Variants in CCDC7 observed in about 807,000 individuals in gnomAD.
CCDC7 encodes coiled-coil domain containing 7.
Under a neutral mutation model 196.9 loss-of-function variants are expected in CCDC7, and 183 were observed. That is an observed-to-expected ratio of 0.93 (90% CI 0.82 to 1.05). The LOEUF (loss-of-function observed/expected upper bound fraction) is 1.05. CCDC7 is among the 50% of genes least tolerant of loss of function. The pLI is 0.00. For missense variants in CCDC7, 1,540 were observed against 1,482.2 expected (o/e 1.04, Z -0.64); for synonymous variants, 525 against 484.6 (o/e 1.08, Z -1.10).
intron 18 of CCDC7, among the ~76,000 whole-genome samples, chr10:32,613,339 T>A (rs1293132545): frequency 6.6e-6 from 1 of 152,084 alleles, no homozygotes; most frequent in Non-Finnish European, 1.5e-5. Context: ...GCAGTCTATT[T>A]TGTTATTCTT....
At chr10:32,465,271 A>G (rs1396977270) in intron 5 of CCDC7, among the ~76,000 whole-genome samples, 1 of 152,188 alleles carries the variant, frequency 6.6e-6, no homozygotes, top group Non-Finnish European at 1.5e-5. Context: ...GCCATGGAGC[A>G]TGTGTCACCC....
chr10:32,534,405 A>G lies in CCDC7; in HGVS notation c.994-8895A>G, dbSNP rs578093033. 1.8e-4 allele frequency among the ~76,000 whole-genome samples: 27 copies of G among 152,140 alleles called. No individual in the cohort carries two copies. In the South Asian group the frequency reaches 5.6e-3, roughly 32 times the overall value. On this transcript the variant is annotated intron_variant, in intron 11 of 41. Coordinates refer to ENST00000639629, the Ensembl canonical transcript of CCDC7. The stretch of plus-strand genomic sequence containing the variant: ...AATTAACATCTTGTTATGGTCAGTC[A>G]TGGTGTTTTTGCTTTGTCCTTTTGG...
chr10:32,572,866 CTTTTTTT>C (rs576270039), intron 16 of CCDC7, among the ~76,000 whole-genome samples: 16 of 90,384 alleles, frequency 1.8e-4, no homozygotes, highest in African/African-American at 6.3e-4. Context: ...AAGCATGGTG[CTTTTTTT>C]TTTTTTTTTT....
At chr10:32,519,357 C>T (rs577972721) in intron 11 of CCDC7, among the ~76,000 whole-genome samples, 3 of 152,144 alleles carry the variant, frequency 2.0e-5, no homozygotes, top group East Asian at 3.8e-4. Flanking sequence ...ATTGAAAAAA[C>T]GCTGGAGCTT....
intron 20 of CCDC7, among the ~76,000 whole-genome samples, chr10:32,651,921 C>G (rs1175497410): frequency 6.6e-6 from 1 of 152,168 alleles, no homozygotes. Context: ...TTTAAAGTGG[C>G]AGTGCTTGTC....
intron 33 of CCDC7, among the ~76,000 whole-genome samples, chr10:32,838,727 C>T (rs993697343): frequency 9.9e-5 from 15 of 151,846 alleles, no homozygotes; most frequent in South Asian, 4.1e-4. Flanking sequence ...TTAAGAGCTG[C>T]GAGGCAAAAG....
At chr10:32,519,568 T>A (rs1238816284) in intron 11 of CCDC7, among the ~76,000 whole-genome samples, 1 of 141,048 alleles carries the variant, frequency 7.1e-6, no homozygotes, top group African/African-American at 2.5e-5. Flanking sequence ...TACCCATTCT[T>A]TAAAACATTT....
intron 28 of CCDC7, among the ~76,000 whole-genome samples, chr10:32,746,599 C>G (rs1035673223): frequency 1.3e-5 from 2 of 152,188 alleles, no homozygotes; most frequent in Non-Finnish European, 2.9e-5. Context: ...ACCTCCCTGT[C>G]TGCCAGCCTC....
chr10:32,583,292 T>TA (rs1723674940), exon 17 of CCDC7: 2 of 1,230,956 alleles, frequency 1.6e-6, no homozygotes, highest in Admixed American at 4.2e-5. Context: ...CTCCTGTTCT[T>TA]ACAGAAAGTA....
chr10:32,749,590 G>A (rs573801806), intron 28 of CCDC7, among the ~76,000 whole-genome samples: 9 of 152,176 alleles, frequency 5.9e-5, no homozygotes, highest in African/African-American at 2.2e-4. Context: ...GCAACTTACT[G>A]TGGACATGTG....
At chr10:32,845,690 G>T in intron 35 of CCDC7, 64 bp downstream of exon 36, 2 of 1,426,938 alleles carry the variant, frequency 1.4e-6, no homozygotes, top group South Asian at 1.2e-5. Context: ...GTTAAATTAA[G>T]TGTGGACATT....
intron 41 of CCDC7, among the ~76,000 whole-genome samples, chr10:32,859,088 T>C (rs1413384424): frequency 6.6e-6 from 1 of 152,122 alleles, no homozygotes; most frequent in Non-Finnish European, 1.5e-5. Flanking sequence ...TCTACAGAAC[T>C]CTCCACCCCA....
chr10:32,510,643 A>G (rs1016508093), intron 9 of CCDC7, among the ~76,000 whole-genome samples: 2 of 152,166 alleles, frequency 1.3e-5, no homozygotes, highest in Non-Finnish European at 2.9e-5. Context: ...CAACATTTTC[A>G]GCCTTTATTG....
intron 32 of CCDC7, among the ~76,000 whole-genome samples, chr10:32,833,595 G>A (rs2092388568): frequency 6.6e-6 from 1 of 152,064 alleles, no homozygotes; most frequent in South Asian, 2.1e-4. Flanking sequence ...ATACCAGTTA[G>A]GGAAATAACT....
intron 41 of CCDC7, among the ~76,000 whole-genome samples, chr10:32,874,630 T>C (rs1243169862): frequency 1.3e-5 from 2 of 151,530 alleles, no homozygotes; most frequent in African/African-American, 4.8e-5. Flanking sequence ...TTTTTATGGC[T>C]GAGTAGTATT....
At chr10:32,598,844 A>G (rs887629503) in intron 18 of CCDC7, among the ~76,000 whole-genome samples, 2 of 152,128 alleles carry the variant, frequency 1.3e-5, no homozygotes, top group African/African-American at 2.4e-5. Flanking sequence ...GGTCTTTCCT[A>G]CAGAGTGTTC....
At chr10:32,461,648 T>C (rs921171680) in intron 3 of CCDC7, among the ~76,000 whole-genome samples, 2 of 149,194 alleles carry the variant, frequency 1.3e-5, no homozygotes, top group African/African-American at 2.5e-5. Flanking sequence ...GAAAAAAATA[T>C]AATGCTCCTC....
chr10:32,579,038 C>G (rs1241510331), intron 16 of CCDC7, among the ~76,000 whole-genome samples: 1 of 152,140 alleles, frequency 6.6e-6, no homozygotes, highest in Non-Finnish European at 1.5e-5. Context: ...GGAATTAAAA[C>G]ATTCTCAAGA....
At chr10:32,843,554 C>T (rs1414186098) in intron 33 of CCDC7, among the ~76,000 whole-genome samples, 1 of 151,904 alleles carries the variant, frequency 6.6e-6, no homozygotes, top group Non-Finnish European at 1.5e-5. Flanking sequence ...CAGGCAGGAT[C>T]ATATTTAAAA....
Sources: gnomAD v4.1 joint callset for allele counts (sites outside exome capture counted in the v4.1 genomes callset) on GRCh38, gnomAD v4.1.1 for gene constraint, MANE v1.5 for transcripts, NCBI Gene and HGNC (gene_info 2026-07-23, HGNC 2026-07-21) for gene names.